The following ROBO1 variants were observed in gnomAD, a reference collection of about 807,000 sequenced individuals.
The protein encoded by ROBO1 is roundabout homolog 1.
Under a neutral mutation model 195.9 loss-of-function variants are expected in ROBO1, and 149 were observed. The ratio of observed to expected loss-of-function variants is 0.76; its 90% CI spans 0.67 to 0.87. The LOEUF is 0.87. Ranked by LOEUF, ROBO1 falls within the 40% of genes least tolerant of loss-of-function variation. ROBO1 has a pLI of 0.00. For missense variants in ROBO1, 1,933 were observed against 2,068.3 expected (o/e 0.93, Z 1.27); for synonymous variants, 816 against 733.2 (o/e 1.11, Z -1.82).
intron 1 of ROBO1, among the ~76,000 whole-genome samples, chr3:79,715,423 G>C (rs1366475188): frequency 6.6e-6 from 1 of 152,082 alleles, no homozygotes; most frequent in African/African-American, 2.4e-5. Flanking sequence ...CCAGATGGAG[G>C]CGAGACACTC....
intron 2 of ROBO1, among the ~76,000 whole-genome samples, chr3:79,158,967 C>A (rs2080906829): frequency 6.6e-6 from 1 of 151,740 alleles, no homozygotes; most frequent in African/African-American, 2.4e-5. Flanking sequence ...CCATTCACTT[C>A]TTTGGAAAGA....
chr3:78,819,968 T>G (rs1429927408), intron 4 of ROBO1, among the ~76,000 whole-genome samples: 1 of 152,212 alleles, frequency 6.6e-6, no homozygotes, highest in Non-Finnish European at 1.5e-5. Context: ...GATAGAACTT[T>G]TAAAACTTTT....
chr3:78,619,999 C>T (rs933902327), intron 26 of ROBO1, among the ~76,000 whole-genome samples: 13 of 138,770 alleles, frequency 9.4e-5, no homozygotes, highest in African/African-American at 2.8e-4. Flanking sequence ...GCCTGGGTGA[C>T]AGAGTGAGAC....
In ROBO1 at chr3:79,387,598, G is replaced by A. The variant is rs562401920; in HGVS notation, c.88+202226C>T. 6.6e-5 allele frequency among the ~76,000 whole-genome samples: 10 copies of A among 151,720 alleles called. No individual in the cohort carries two copies. In the South Asian group the frequency reaches 1.2e-3, roughly 19 times the overall value. Reference sequence around the variant, plus strand: ...TGTTGATCATTGATTTTAAATTCCCGGTTACTTTTGTATATCTATTACCAT... The same window carrying A: ...TGTTGATCATTGATTTTAAATTCCCAGTTACTTTTGTATATCTATTACCAT... On this transcript the variant is annotated intron_variant, in intron 2 of 30. Transcript: ENST00000464233.
At chr3:79,028,605 A>G (rs1205134687) in intron 3 of ROBO1, among the ~76,000 whole-genome samples, 2 of 151,942 alleles carry the variant, frequency 1.3e-5, no homozygotes, top group Non-Finnish European at 2.9e-5. Flanking sequence ...TATCCTATTA[A>G]AGCAATACAT....
At chr3:79,600,099 C>T (rs1460156502) in intron 1 of ROBO1, among the ~76,000 whole-genome samples, 1 of 151,756 alleles carries the variant, frequency 6.6e-6, no homozygotes, top group African/African-American at 2.4e-5. Flanking sequence ...AATTCTATGC[C>T]CACTTGACCT....
At chr3:79,174,876 C>T (rs1475850866) in intron 2 of ROBO1, among the ~76,000 whole-genome samples, 3 of 150,124 alleles carry the variant, frequency 2.0e-5, no homozygotes, top group South Asian at 4.2e-4. Flanking sequence ...AAAAAGAAAC[C>T]TTACCAATTT....
At chr3:78,821,739 T>C (rs959652505) in intron 4 of ROBO1, among the ~76,000 whole-genome samples, 7 of 152,180 alleles carry the variant, frequency 4.6e-5, no homozygotes, top group African/African-American at 1.7e-4. Context: ...GCAGGATAAT[T>C]TAATTTAATT....
At chr3:78,884,724 AG>A (rs1559962119) in intron 4 of ROBO1, among the ~76,000 whole-genome samples, 1 of 150,130 alleles carries the variant, frequency 6.7e-6, no homozygotes, top group African/African-American at 2.5e-5. Flanking sequence ...AGGAAAGGAA[AG>A]GAAGGAAGGA....
chr3:79,688,925 A>G lies in ROBO1; in HGVS notation c.-51+78827T>C, dbSNP rs145677784. 9.0e-3 allele frequency among the ~76,000 whole-genome samples: 1,364 copies of G among 152,130 alleles called. 20 individuals carry two copies. The highest frequency in any genetic ancestry group is 0.01 in the Middle Eastern group (3 of 294). On this transcript the variant is annotated intron_variant, in intron 1 of 30. Transcript: ENST00000464233. ...CTAACCAAATTATCTACAATTTATC[A>G]ACATGTATTATATTATTCTTAAATT...
At chr3:79,326,401 G>A (rs142158817) in intron 2 of ROBO1, among the ~76,000 whole-genome samples, 5 of 152,200 alleles carry the variant, frequency 3.3e-5, no homozygotes, top group South Asian at 4.2e-4. Context: ...TCCCCCAGAC[G>A]ACCAGCTTTA....
At chr3:79,674,906 T>C (rs1055951807) in intron 1 of ROBO1, among the ~76,000 whole-genome samples, 1 of 151,696 alleles carries the variant, frequency 6.6e-6, no homozygotes, top group Non-Finnish European at 1.5e-5. Context: ...ACCAAAGTAA[T>C]TTTTAGTTAA....
chr3:78,600,493 CTTG>C (rs1703109222), intron 29 of ROBO1, among the ~76,000 whole-genome samples, 184 bp from the exon 30 acceptor site: 1 of 152,036 alleles, frequency 6.6e-6, no homozygotes, highest in African/African-American at 2.4e-5. Context: ...AAGTATAAGC[CTTG>C]TTGTTTTCCT....
rs576400763 is a variant in ROBO1, at chr3:79,300,656, A to G, written c.89-175117T>C. ...GCTCCACCTGCAGCCGGTGGGATCC[A>G]CTGGGTGAAGCCAGCTGGGCTCCTG... On this transcript the variant is annotated intron_variant, in intron 2 of 30. Coordinates refer to ENST00000464233, the MANE Select transcript of ROBO1 (RefSeq NM_002941.4). Among the ~76,000 whole-genome samples, 13 of 152,292 alleles carry G rather than the reference A, an allele frequency of 8.5e-5. No homozygotes were observed. The South Asian group carries it at 2.7e-3, about 32-fold the overall frequency.
Position 79,703,506 on chromosome 3 carries a change from G to A in ROBO1, c.-51+64246C>T, listed in dbSNP as rs73849818. On this transcript the variant is annotated intron_variant, in intron 1 of 30. Transcript: ENST00000464233. The stretch of plus-strand genomic sequence containing the variant: ...CAAAGAGTGTTCCTGGAAAAAATAT[G>A]AAACATTATTTAAGAAACTGCTATT... Among the ~76,000 whole-genome samples the A allele has an allele frequency of 8.8e-3, 1,330 of 151,680 alleles. 14 individuals carry two copies. Among genetic ancestry groups the A allele is most frequent in the African/African-American group, 0.031 (1,279 of 41,454 alleles).
intron 2 of ROBO1, among the ~76,000 whole-genome samples, chr3:79,501,676 T>C (rs1325130584): frequency 6.6e-6 from 1 of 152,238 alleles, no homozygotes; most frequent in Non-Finnish European, 1.5e-5. Context: ...TTTTTTATCC[T>C]GTACTGATTA....
intron 2 of ROBO1, among the ~76,000 whole-genome samples, chr3:79,427,271 T>A (rs1559891145): frequency 6.6e-6 from 1 of 152,192 alleles, no homozygotes; most frequent in Non-Finnish European, 1.5e-5. Context: ...TTTTTTCAAG[T>A]ACTTGGATGC....
chr3:78,962,518 G>A (rs1004625039), intron 3 of ROBO1, among the ~76,000 whole-genome samples: 1 of 137,728 alleles, frequency 7.3e-6, no homozygotes, highest in East Asian at 2.0e-4. Flanking sequence ...ACACTCCTCC[G>A]CCTTGTCATT....
Position 79,111,456 on chromosome 3 carries a change from T to C in ROBO1, c.172+14000A>G, listed in dbSNP as rs150058997. Among the ~76,000 whole-genome samples, 350 of 152,266 alleles carry C rather than the reference T, an allele frequency of 2.3e-3. 4 individuals carry two copies. The highest frequency in any genetic ancestry group is 8.1e-3 in the African/African-American group (335 of 41,540). On this transcript the variant is annotated intron_variant, in intron 3 of 30. Coordinates refer to ENST00000464233, the MANE Select transcript of ROBO1 (RefSeq NM_002941.4). Reference sequence around the variant, plus strand: ...CAGCAGGAAGAGCCCTTTCTTCTTATTGTATGGTGCTGGACCTGCCTCGCT... The same window carrying C: ...CAGCAGGAAGAGCCCTTTCTTCTTACTGTATGGTGCTGGACCTGCCTCGCT...
Sources: gnomAD v4.1 joint callset for allele counts (sites outside exome capture counted in the v4.1 genomes callset) on GRCh38, gnomAD v4.1.1 for gene constraint, MANE v1.5 for transcripts, NCBI Gene and HGNC (gene_info 2026-07-23, HGNC 2026-07-21) for gene names.